Variants in TMX3 observed in about 807,000 individuals in gnomAD.
TMX3 encodes the protein thioredoxin related transmembrane protein 3, also known as protein disulfide-isomerase TMX3.
TMX3 carries 40 observed loss-of-function variants against 64.4 expected under a neutral mutation model. The observed-to-expected ratio is 0.62, with a 90% CI of 0.48 to 0.81. The LOEUF is 0.81. TMX3 is among the 30% of genes least tolerant of loss of function. TMX3 has a pLI of 0.00. For missense variants in TMX3, 497 were observed against 534.5 expected, an observed-to-expected ratio of 0.93 and a Z score of 0.69; for synonymous variants, 189 against 175.7, an observed-to-expected ratio of 1.08 and a Z score of -0.60.
At chr18:68,686,646 G>T (rs368569829) in intron 10 of TMX3, 1 of 757,104 alleles carries the variant, frequency 1.3e-6, no homozygotes. Flanking sequence ...GGTGGAGGTT[G>T]CAGTGAGCCA....
chr18:68,676,251 A>G lies in TMX3; in HGVS notation c.*682T>C, dbSNP rs1004197796. 3 of 152,176 alleles carry G rather than the reference A, an allele frequency of 2.0e-5. No individual in the cohort carries two copies. Among genetic ancestry groups the G allele is most frequent in the Admixed American group, 6.6e-5 (1 of 15,258 alleles). 9.4% of individuals were successfully genotyped at this position (152,176 alleles called of 1,614,324 possible). On this transcript the variant is annotated 3_prime_UTR_variant, in exon 16 of 16. Transcript: ENST00000299608. Reference sequence around the variant, plus strand: ...TTCCAAGGAATGGGCTGAAACCTCTACTCAGTAAATCCTGTTTATTTTGCG... The same window carrying G: ...TTCCAAGGAATGGGCTGAAACCTCTGCTCAGTAAATCCTGTTTATTTTGCG...
At chr18:68,681,489 C>A in intron 13 of TMX3, 1 of 983,942 alleles carries the variant, frequency 1.0e-6, no homozygotes, top group Non-Finnish European at 1.2e-6. Context: ...TCTCTTGATT[C>A]TTCATTATAT....
intron 8 of TMX3, among the ~76,000 whole-genome samples, chr18:68,695,022 A>G (rs1914920033): frequency 6.6e-6 from 1 of 152,190 alleles, no homozygotes; most frequent in Admixed American, 6.5e-5. Flanking sequence ...CCCCTGAATT[A>G]CTGCCAAATT....
In TMX3 at chr18:68,686,941, A is replaced by G. The variant is rs309218; in HGVS notation, c.736+726T>C. On this transcript the variant is annotated intron_variant, in intron 10 of 15. Coordinates refer to ENST00000299608, the MANE Select transcript of TMX3 (RefSeq NM_019022.5). ...TTATTAATTAGATTTAAGAGTAGGCAATCATGAAGAGGAAACCCTATGCCT... is the reference window on the plus strand; with the variant it reads ...TTATTAATTAGATTTAAGAGTAGGCGATCATGAAGAGGAAACCCTATGCCT... 0.045 allele frequency: 44,445 copies of G among 983,770 alleles called. 8,495 individuals carry two copies. The African/African-American group carries it at 0.53, about 12-fold the overall frequency. 60.9% of individuals were successfully genotyped at this position (983,770 alleles called of 1,614,324 possible).
intron 9 of TMX3, chr18:68,688,433 G>A (rs934142915): frequency 6.6e-6 from 1 of 152,084 alleles, no homozygotes; most frequent in African/African-American, 2.4e-5. Flanking sequence ...ATATCTAAGA[G>A]AAATATTACA....
intron 4 of TMX3, 23 bp downstream of exon 4, chr18:68,709,995 AAAT>A (rs746032527): frequency 7.1e-6 from 11 of 1,558,866 alleles, no homozygotes; most frequent in Non-Finnish European, 9.5e-6. Flanking sequence ...GAGAACAGTA[AAAT>A]AATAAACTAA....
intron 1 of TMX3, among the ~76,000 whole-genome samples, chr18:68,714,107 G>A (rs529657210): frequency 4.6e-5 from 7 of 152,080 alleles, no homozygotes; most frequent in Non-Finnish European, 8.8e-5. Flanking sequence ...TATCGTGACC[G>A]GCCAAGTTCT....
intron 4 of TMX3, among the ~76,000 whole-genome samples, chr18:68,708,069 G>A (rs1162843555): frequency 6.7e-6 from 1 of 150,048 alleles, no homozygotes; most frequent in African/African-American, 2.5e-5. Flanking sequence ...ATATATATGT[G>A]TATATGTGTA....
In TMX3 at chr18:68,715,044, C is replaced by T; in HGVS notation, c.-63G>A. 6.5e-7 allele frequency: 1 copy of T among 1,547,572 alleles called. No homozygotes were observed. Among genetic ancestry groups the T allele is most frequent in the Non-Finnish European group, 8.7e-7 (1 of 1,145,344 alleles). On this transcript the variant is annotated 5_prime_UTR_variant, in exon 1 of 16. Coordinates refer to ENST00000299608, the MANE Select transcript of TMX3 (RefSeq NM_019022.5). ...AGAGGGATAAAGACACTGGGGTCCG[C>T]CGCCTGCCCGCCCGGAAAGGGAAAC...
rs983236062 is a variant in TMX3, at chr18:68,677,108, T to C, written c.1190A>G (p.Tyr397Cys). ...ATAACCTCCATCTGTGTCGGCTGTG[T>C]AGATTCCATAGCACATGATACTGAT... ...GVISIMCYGIYTADTDGGYIE... is the reference protein window; with the variant it reads ...GVISIMCYGICTADTDGGYIE... The change falls in exon 16 of 16, where the codon TAC (tyrosine) becomes TGC (cysteine). Residue 397 changes from tyrosine (Y) to cysteine (C), a missense_variant. Physicochemically the swap from Tyr to Cys is radical, Grantham distance 194 (BLOSUM62 -2). Coordinates refer to ENST00000299608, the MANE Select transcript of TMX3 (RefSeq NM_019022.5). The C allele has an allele frequency of 1.2e-5, 20 of 1,613,702 alleles. No individual in the cohort carries two copies. The Admixed American group carries it at 2.5e-4, about 20-fold the overall frequency.
At chr18:68,707,111 G>A (rs149204404) in intron 4 of TMX3, among the ~76,000 whole-genome samples, 1 of 152,062 alleles carries the variant, frequency 6.6e-6, no homozygotes, top group Non-Finnish European at 1.5e-5. Flanking sequence ...CCTGGTATGT[G>A]CCAGGCATAT....
chr18:68,686,284 G>A (rs913157030), intron 10 of TMX3, among the ~76,000 whole-genome samples: 1 of 152,146 alleles, frequency 6.6e-6, no homozygotes, highest in Admixed American at 6.5e-5. Flanking sequence ...ATTCATCTGG[G>A]AAAAGATGTG....
Position 68,676,830 on chromosome 18 carries a change from T to A in TMX3, c.*103A>T, listed in dbSNP as rs1039067807. The A allele has an allele frequency of 1.4e-6, 2 of 1,410,658 alleles. No homozygotes were observed. The highest frequency in any genetic ancestry group is 1.9e-6 in the Non-Finnish European group (2 of 1,054,168). The allele number at this position is 1,410,658 out of a possible 1,614,324, so 87.4% of individuals were successfully genotyped here. On this transcript the variant is annotated 3_prime_UTR_variant, in exon 16 of 16. Transcript: ENST00000299608. ...GCAGTTGATATTAGCAAAATACGAA[T>A]AACATGTTCTTTTCTGTAAAGATCA...
At chr18:68,695,806 T>C (rs1317926324) in intron 8 of TMX3, among the ~76,000 whole-genome samples, 1 of 152,204 alleles carries the variant, frequency 6.6e-6, no homozygotes, top group Non-Finnish European at 1.5e-5. Flanking sequence ...CACAGAGTAA[T>C]GTCCTTAAAC....
chr18:68,707,786 A>T (rs1010200429), intron 4 of TMX3, among the ~76,000 whole-genome samples: 5 of 152,122 alleles, frequency 3.3e-5, no homozygotes, highest in Admixed American at 2.0e-4. Flanking sequence ...ATTTGTCTGG[A>T]TCTTTCTTTA....
intron 6 of TMX3, among the ~76,000 whole-genome samples, chr18:68,700,188 T>C (rs746247557): frequency 6.6e-6 from 1 of 152,078 alleles, no homozygotes; most frequent in African/African-American, 2.4e-5. Context: ...TGAATTTAAA[T>C]GTGAGGTTAA....
At chr18:68,682,503 T>C (rs1406429169) in intron 13 of TMX3, among the ~76,000 whole-genome samples, 3 of 152,154 alleles carry the variant, frequency 2.0e-5, no homozygotes, top group African/African-American at 7.2e-5. Context: ...CAGATAAAAA[T>C]TTTAAAATTG....
At chr18:68,685,795 G>T (rs899335237) in intron 10 of TMX3, among the ~76,000 whole-genome samples, 2 of 152,116 alleles carry the variant, frequency 1.3e-5, no homozygotes, top group Non-Finnish European at 2.9e-5. Flanking sequence ...AAAAATTACA[G>T]CATAAATTAA....
chr18:68,684,336 G>T lies in TMX3; in HGVS notation c.794+92C>A. 18 of 1,493,854 alleles carry T rather than the reference G, an allele frequency of 1.2e-5. No homozygotes were observed. In the South Asian group the frequency reaches 2.1e-4, roughly 17 times the overall value. 92.5% of individuals were successfully genotyped at this position (1,493,854 alleles called of 1,614,324 possible). On this transcript the variant is annotated intron_variant, in intron 11 of 15. Coordinates refer to ENST00000299608, the MANE Select transcript of TMX3 (RefSeq NM_019022.5). ...ATCTGCTGTCTTACATCTAATTGCTGCAGGAAAAGTAAGATACCATATCAA... is the reference window on the plus strand; with the variant it reads ...ATCTGCTGTCTTACATCTAATTGCTTCAGGAAAAGTAAGATACCATATCAA...
Sources: allele counts gnomAD v4.1 joint callset (sites outside exome capture counted in the v4.1 genomes callset), GRCh38; gene constraint gnomAD v4.1.1; transcripts MANE v1.5; gene names NCBI Gene and HGNC (gene_info 2026-07-23, HGNC 2026-07-21).